ATP6V1E2: variants seen among roughly 807,000 people sequenced by gnomAD.
ATP6V1E2 encodes V-type proton ATPase subunit E 2.
For synonymous variants in ATP6V1E2, 121 were observed against 104.2 expected (o/e 1.16, Z -0.98); for missense variants, 308 against 273.3 (o/e 1.13, Z -0.90).
chr2:46,520,021 G>C (rs1023542255), intron 4 of ATP6V1E2: 1 of 152,254 alleles, frequency 6.6e-6, no homozygotes, highest in Non-Finnish European at 1.5e-5. Flanking sequence ...TGTGATGGTG[G>C]TGGAAGCTCC....
At chr2:46,524,992 G>A (rs1666823351) in intron 4 of ATP6V1E2, among the ~76,000 whole-genome samples, 1 of 152,166 alleles carries the variant, frequency 6.6e-6, no homozygotes, top group South Asian at 2.1e-4. Context: ...GGGTGGTGGG[G>A]GCAGGAGTCT....
intron 4 of ATP6V1E2, among the ~76,000 whole-genome samples, chr2:46,516,178 C>T (rs566850593): frequency 2.0e-4 from 30 of 152,258 alleles, no homozygotes; most frequent in Non-Finnish European, 4.3e-4. Flanking sequence ...ACCAAATGGA[C>T]CTTACAGACA....
At chr2:46,525,192 C>T (rs1390598042) in intron 4 of ATP6V1E2, among the ~76,000 whole-genome samples, 2 of 152,100 alleles carry the variant, frequency 1.3e-5, no homozygotes, top group African/African-American at 2.4e-5. Context: ...CAGGGACAGG[C>T]GGCCGGGCGC....
rs1038979826 is a variant in ATP6V1E2, at chr2:46,512,467, T to C, written c.245A>G (p.Lys82Arg). 4 of 1,614,168 alleles carry C rather than the reference T, an allele frequency of 2.5e-6. No homozygotes were observed. The African/African-American group carries it at 5.3e-5, about 22-fold the overall frequency. The change falls in exon 5 of 5, where the codon AAA becomes AGA. Residue 82 changes from lysine (K) to arginine (R), a missense_variant. Transcript: ENST00000522587. ...MSTMRNQARL[K>R]VLRARNDLIS... ...GAGGTCATTTCGGGCTCTCAGGACTTTCAGCCTCGCCTGATTCCTCATGGT... is the reference window on the plus strand; with the variant it reads ...GAGGTCATTTCGGGCTCTCAGGACTCTCAGCCTCGCCTGATTCCTCATGGT...
At chr2:46,531,287 G>C (rs1437822299) in intron 4 of ATP6V1E2, among the ~76,000 whole-genome samples, 1 of 152,168 alleles carries the variant, frequency 6.6e-6, no homozygotes, top group Admixed American at 6.5e-5. Flanking sequence ...ACAACATATA[G>C]CATTTTGTGT....
At chr2:46,520,483 G>A (rs557357286) in intron 4 of ATP6V1E2, among the ~76,000 whole-genome samples, 7 of 152,334 alleles carry the variant, frequency 4.6e-5, no homozygotes, top group Admixed American at 2.0e-4. Context: ...AGCCAGACTC[G>A]GCTCTCGTGA....
intron 2 of ATP6V1E2, among the ~76,000 whole-genome samples, chr2:46,539,153 A>G (rs1667594598): frequency 6.6e-6 from 1 of 152,220 alleles, no homozygotes; most frequent in African/African-American, 2.4e-5. Flanking sequence ...GGATAGACAA[A>G]CCAATAGATA....
chr2:46,524,546 A>C (rs1666796225), intron 4 of ATP6V1E2, among the ~76,000 whole-genome samples: 1 of 152,212 alleles, frequency 6.6e-6, no homozygotes, highest in Admixed American at 6.5e-5. Flanking sequence ...CTGGTTTAAA[A>C]TAGGAGAAAA....
intron 4 of ATP6V1E2, among the ~76,000 whole-genome samples, chr2:46,532,173 T>G (rs1667213911): frequency 1.3e-5 from 2 of 152,220 alleles, no homozygotes; most frequent in African/African-American, 4.8e-5. Context: ...CAATTCATTT[T>G]GAGTAAATGT....
intron 4 of ATP6V1E2, among the ~76,000 whole-genome samples, chr2:46,518,526 A>ACACACACAG (rs59512948): frequency 9.9e-5 from 9 of 90,640 alleles, no homozygotes; most frequent in African/African-American, 2.5e-4. Flanking sequence ...CACACACACA[A>ACACACACAG]ATGCTATCCC....
chr2:46,520,553 C>T (rs1666564528), intron 4 of ATP6V1E2, among the ~76,000 whole-genome samples: 1 of 152,234 alleles, frequency 6.6e-6, no homozygotes, highest in Admixed American at 6.5e-5. Flanking sequence ...ACAGCTTTGG[C>T]TCATGCTGTT....
At chr2:46,525,980 G>C (rs1250227307) in intron 4 of ATP6V1E2, among the ~76,000 whole-genome samples, 1 of 151,910 alleles carries the variant, frequency 6.6e-6, no homozygotes, top group Non-Finnish European at 1.5e-5. Context: ...AGAAAATGTG[G>C]ACTAGGATGT....
chr2:46,516,735 T>C (rs901264396), intron 4 of ATP6V1E2, among the ~76,000 whole-genome samples: 1 of 58,084 alleles, frequency 1.7e-5, no homozygotes, highest in African/African-American at 5.1e-5. Flanking sequence ...TAGTAAACTC[T>C]ATATTAAAAA....
At chr2:46,527,559 G>C (rs1666985720) in intron 4 of ATP6V1E2, among the ~76,000 whole-genome samples, 1 of 152,122 alleles carries the variant, frequency 6.6e-6, no homozygotes, top group African/African-American at 2.4e-5. Flanking sequence ...AGAGGAAGGA[G>C]TCTCACTTTG....
At chr2:46,529,549 G>A (rs1406559798) in intron 4 of ATP6V1E2, among the ~76,000 whole-genome samples, 1 of 152,176 alleles carries the variant, frequency 6.6e-6, no homozygotes, top group Non-Finnish European at 1.5e-5. Context: ...GAGGCCAGGA[G>A]TTTGAGACCA....
intron 4 of ATP6V1E2, among the ~76,000 whole-genome samples, chr2:46,526,170 C>T (rs1382125414): frequency 2.0e-5 from 3 of 152,114 alleles, no homozygotes; most frequent in Admixed American, 6.5e-5. Context: ...GGCTGGAGTG[C>T]GGTGGTGTGA....
rs57428249 is a variant in ATP6V1E2 at position 46,525,461 on chromosome 2, C to CAAAA, written c.-102+10348_-102+10351dup. Among the ~76,000 whole-genome samples, 184 of 56,694 alleles carry CAAAA rather than the reference C, an allele frequency of 3.2e-3. 9 individuals are homozygous for CAAAA. The highest frequency in any genetic ancestry group is 5.2e-3 in the African/African-American group (77 of 14,808). 37.2% of individuals were successfully genotyped at this position (56,694 alleles called of 152,430 possible). ...TGGGCGACAGAACGAGACTCCGTCT[C>CAAAA]AAAAAAAAAAAAAAAGAAAAAAAAA... On this transcript the variant is annotated intron_variant, in intron 4 of 4. Transcript: ENST00000522587.
intron 4 of ATP6V1E2, among the ~76,000 whole-genome samples, chr2:46,529,646 C>A (rs1177611694): frequency 6.6e-6 from 1 of 152,164 alleles, no homozygotes; most frequent in African/African-American, 2.4e-5. Flanking sequence ...GTCTCAGCTA[C>A]TCAGGAAGCT....
intron 4 of ATP6V1E2, among the ~76,000 whole-genome samples, chr2:46,525,330 C>T (rs1162976009): frequency 1.3e-5 from 2 of 151,740 alleles, no homozygotes; most frequent in Non-Finnish European, 2.9e-5. Context: ...GGCGCAGTGG[C>T]GGGCGCCTGT....
Sources: allele counts gnomAD v4.1 joint callset (sites outside exome capture counted in the v4.1 genomes callset), GRCh38; gene constraint gnomAD v4.1.1; transcripts MANE v1.5; gene names NCBI Gene and HGNC (gene_info 2026-07-23, HGNC 2026-07-21).